FAT1: variants seen among roughly 807,000 people sequenced by gnomAD.
The protein encoded by FAT1 is protocadherin Fat 1.
Under a neutral mutation model 329.8 loss-of-function variants are expected in FAT1, and 171 were observed. That is an observed-to-expected ratio of 0.52 (90% CI 0.46 to 0.59). FAT1 has a LOEUF of 0.59. Among genes scored for constraint, FAT1 ranks in the 20% least tolerant of loss-of-function variants. The pLI, the probability that FAT1 is intolerant of heterozygous loss-of-function variation, is 0.00. For synonymous variants in FAT1, 2,233 were observed against 2,228.6 expected (o/e 1.00, Z -0.06); for missense variants, 5,672 against 5,774.4 (o/e 0.98, Z 0.57).
intron 11 of FAT1, among the ~76,000 whole-genome samples, chr4:186,616,038 T>G (rs1283472154): frequency 6.6e-6 from 1 of 152,040 alleles, no homozygotes. Flanking sequence ...TCGGGCTCGA[T>G]GGCATGCTGG....
Position 186,673,961 on chromosome 4 carries a change from T to A in FAT1, c.3266-10348A>T, listed in dbSNP as rs562328440. On this transcript the variant is annotated intron_variant, in intron 2 of 26. Transcript: ENST00000441802. ...CAAAACTTATCATCTGGACACCTGT[T>A]AATTGGATAAAACTACATCCACAAG... Among the ~76,000 whole-genome samples the A allele has an allele frequency of 2.8e-4, 42 of 152,336 alleles. No homozygotes were observed. The South Asian group carries it at 7.9e-3, about 29-fold the overall frequency.
chr4:186,622,470 A>G (rs1213745316), intron 9 of FAT1, among the ~76,000 whole-genome samples: 1 of 152,104 alleles, frequency 6.6e-6, no homozygotes, highest in Non-Finnish European at 1.5e-5. Flanking sequence ...TCGTGGGTGG[A>G]GACCAGGGGT....
chr4:186,614,430 A>G, intron 11 of FAT1, 86 bp from the exon 12 acceptor site: 1 of 906,598 alleles, frequency 1.1e-6, no homozygotes, highest in Non-Finnish European at 1.6e-6. Context: ...GAAATCATTC[A>G]TCTTTGACCA....
At chr4:186,682,370 T>A (rs1329051850) in intron 2 of FAT1, among the ~76,000 whole-genome samples, 3 of 151,700 alleles carry the variant, frequency 2.0e-5, no homozygotes, top group Non-Finnish European at 4.4e-5. Flanking sequence ...CTACTAAAAA[T>A]ACAAAAATTA....
At chr4:186,606,235 T>G (rs2126448851) in intron 16 of FAT1, 22 bp from the exon 17 acceptor site, 1 of 1,612,198 alleles carries the variant, frequency 6.2e-7, no homozygotes, top group South Asian at 1.1e-5. Flanking sequence ...AAAGACAGAA[T>G]GCACGTTCAT....
Position 186,599,927 on chromosome 4 carries a change from C to A in FAT1, c.12074G>T (p.Gly4025Val). 11 of 1,613,224 alleles carry A rather than the reference C, an allele frequency of 6.8e-6. No homozygotes were observed. Among genetic ancestry groups the A allele is most frequent in the Non-Finnish European group, 8.5e-6 (10 of 1,179,418 alleles). ...EDCASNPCQN[G>V]GVCNPSPAGG... The stretch of plus-strand genomic sequence containing the variant: ...AGCAGGTGACGGATTGCAAACGCCT[C>A]CATTCTGGCAAGGGTTGCTGGCGCA... Residue 4025 changes from glycine to valine, a missense_variant, in exon 22 of 27, where the codon GGA becomes GTA. Physicochemically the swap from Gly to Val is moderately radical, Grantham distance 109. Transcript: ENST00000441802.
chr4:186,632,201 A>T (rs1740632048), intron 7 of FAT1, among the ~76,000 whole-genome samples: 1 of 152,224 alleles, frequency 6.6e-6, no homozygotes, highest in Non-Finnish European at 1.5e-5. Flanking sequence ...TTCATGCTAA[A>T]CTTTTAACTG....
chr4:186,698,080 A>G (rs1040076488), intron 2 of FAT1, among the ~76,000 whole-genome samples: 2 of 152,190 alleles, frequency 1.3e-5, no homozygotes, highest in African/African-American at 4.8e-5. Context: ...AACCTTCACA[A>G]CTGCAATTAC....
At chr4:186,673,878 T>C (rs1742838395) in intron 2 of FAT1, among the ~76,000 whole-genome samples, 1 of 152,022 alleles carries the variant, frequency 6.6e-6, no homozygotes, top group South Asian at 2.1e-4. Flanking sequence ...TCACTGATAT[T>C]GTCAATGACG....
chr4:186,725,212 A>C (rs1246970508), upstream of FAT1, among the ~76,000 whole-genome samples: 5 of 152,128 alleles, frequency 3.3e-5, no homozygotes, highest in Admixed American at 1.3e-4. The surrounding 1 kb of genome is among the most constrained non-coding windows in gnomAD (Gnocchi z 5.4). Context: ...GAACACCTCG[A>C]AAGTGGGTGA....
At chr4:186,604,069 A>G (rs988114537) in intron 18 of FAT1, 92 bp from the exon 19 acceptor site, 8 of 973,230 alleles carry the variant, frequency 8.2e-6, no homozygotes, top group African/African-American at 3.3e-5. Context: ...GTTCCCAAAA[A>G]ATTACTAACT....
Position 186,589,187 on chromosome 4 carries a change from C to G in FAT1, c.13172G>C (p.Ser4391Thr), listed in dbSNP as rs369994223. 3.8e-5 allele frequency: 62 copies of G among 1,613,154 alleles called. No homozygotes were observed. The highest frequency in any genetic ancestry group is 2.0e-4 in the African/African-American group (15 of 74,900). The change falls in exon 27 of 27, where the codon AGC becomes ACC. Residue 4391 changes from serine (S) to threonine (T), a missense_variant. This residue lies in a region of FAT1 where 1,706 missense variants were observed against 1,859.1 expected (regional missense o/e 0.92). Coordinates refer to ENST00000441802, the MANE Select transcript of FAT1 (RefSeq NM_005245.4). ...CTCTTGTATGTCCGGCAGAGGAACG[C>G]TTGGCATCCAATCTGATGTATCCCA... ...YHWDTSDWMP[S>T]VPLPDIQEFP...
At chr4:186,594,718 T>C (rs1345738066) in intron 26 of FAT1, among the ~76,000 whole-genome samples, 1 of 141,772 alleles carries the variant, frequency 7.1e-6, no homozygotes, top group South Asian at 2.2e-4. Context: ...TCAGAAATGA[T>C]AGCACATACT....
rs758247669 is a variant in FAT1 at position 186,636,792 on chromosome 4, A to C, written c.3765T>G (p.Pro1255=). The change falls in exon 5 of 27, where the codon CCT becomes CCG. Residue 1255 remains proline (P), a synonymous_variant. Coordinates refer to ENST00000441802, the MANE Select transcript of FAT1 (RefSeq NM_005245.4). ...TTTCTCGGTCTGGCTTTTCCCGCTC[A>C]GGGAGTCTGATTTTGTAGAACTTTT... ...FLQKFYKIRL[P]EREKPDRERN... 6.2e-7 allele frequency: 1 copy of C among 1,613,972 alleles called. No individual in the cohort carries two copies. Among genetic ancestry groups the C allele is most frequent in the African/African-American group, 1.3e-5 (1 of 75,040 alleles).
chr4:186,590,485 G>A (rs1024572875), intron 26 of FAT1: 1 of 989,130 alleles, frequency 1.0e-6, no homozygotes, highest in Non-Finnish European at 1.4e-6. Flanking sequence ...TAAGTACACA[G>A]AACAATGAAA....
chr4:186,649,158 T>C (rs1741513285), intron 3 of FAT1, among the ~76,000 whole-genome samples: 1 of 152,198 alleles, frequency 6.6e-6, no homozygotes, highest in Non-Finnish European at 1.5e-5. Flanking sequence ...AGATTCCATC[T>C]GTTCTTCAAC....
In FAT1 at chr4:186,706,919, C is replaced by A. The variant is rs1357598553; in HGVS notation, c.2909G>T (p.Gly970Val). The A allele has an allele frequency of 6.2e-7, 1 of 1,614,014 alleles. No homozygotes were observed. The highest frequency in any genetic ancestry group is 8.5e-7 in the Non-Finnish European group (1 of 1,179,894). The change falls in exon 2 of 27, where the codon GGA (glycine) becomes GTA (valine). Residue 970 changes from glycine to valine, a missense_variant. Transcript: ENST00000441802. ...TTTATCCACATCGAAGTTTCCTTCT[C>A]CGTGGTCCAGAAGGCTGTATCTCAC... ...GQVRYSLLDH[G>V]EGNFDVDKLS...
At chr4:186,676,519 T>G (rs547440230) in intron 2 of FAT1, among the ~76,000 whole-genome samples, 1 of 152,308 alleles carries the variant, frequency 6.6e-6, no homozygotes, top group Admixed American at 6.5e-5. Context: ...TAAGAGTGAC[T>G]TACAGGTTTT....
chr4:186,598,245 T>G lies in FAT1; in HGVS notation c.12104-120A>C. On this transcript the variant is annotated intron_variant, in intron 22 of 26. Coordinates refer to ENST00000441802, the MANE Select transcript of FAT1 (RefSeq NM_005245.4). Reference sequence around the variant, plus strand: ...CTGTAAAAGCTCGTAAAATTCTCACTCTCTCTGGGAAAAAAGTTGGCTACA... The same window carrying G: ...CTGTAAAAGCTCGTAAAATTCTCACGCTCTCTGGGAAAAAAGTTGGCTACA... The G allele has an allele frequency of 5.9e-6, 6 of 1,016,532 alleles. No homozygotes were observed. In the Middle Eastern group the frequency reaches 8.9e-4, roughly 150 times the overall value. The allele number at this position is 1,016,532 out of a possible 1,614,324, so 63.0% of individuals were successfully genotyped here.
Sources: allele counts gnomAD v4.1 joint callset (sites outside exome capture counted in the v4.1 genomes callset), GRCh38; gene constraint gnomAD v4.1.1; regional missense constraint gnomAD v4.1.1; non-coding constraint Gnocchi (gnomAD v3.1); transcripts MANE v1.5; gene names NCBI Gene and HGNC (gene_info 2026-07-23, HGNC 2026-07-21).